Variants in SEC14L5 observed in about 807,000 individuals in gnomAD.
SEC14L5 encodes SEC14-like protein 5.
A neutral mutation model predicts 84.6 loss-of-function variants in SEC14L5; 96 were observed. That is an observed-to-expected ratio of 1.13 (90% CI 0.96 to 1.34). The LOEUF is 1.34. SEC14L5 is among the 40% of genes most tolerant of loss of function. The pLI is 0.00. For synonymous variants in SEC14L5, 546 were observed against 383.4 expected, an observed-to-expected ratio of 1.42 and a Z score of -4.95; for missense variants, 1,224 against 942.5, an observed-to-expected ratio of 1.30 and a Z score of -3.91.
chr16:4,978,438 A>C (rs1397098375), intron 2 of SEC14L5, among the ~76,000 whole-genome samples: 7 of 128,510 alleles, frequency 5.4e-5, no homozygotes, highest in Non-Finnish European at 1.1e-4. Flanking sequence ...GAAAAAAAAG[A>C]AACAAGATCT....
rs768717510 is a variant in SEC14L5, at chr16:4,959,375, C to G, written c.52C>G (p.Leu18Val). 2 of 1,613,648 alleles carry G rather than the reference C, an allele frequency of 1.2e-6. No homozygotes were observed. Among genetic ancestry groups the G allele is most frequent in the African/African-American group, 2.7e-5 (2 of 74,920 alleles). Reference protein sequence around the residue: ...PVRVYKYPFELVMAAYEKRFP... With the variant: ...PVRVYKYPFEVVMAAYEKRFP... ...CCGAGTCTACAAGTACCCGTTTGAGCTGGTCATGGCGGTGAGTGACTCCTG... is the reference window on the plus strand; with the variant it reads ...CCGAGTCTACAAGTACCCGTTTGAGGTGGTCATGGCGGTGAGTGACTCCTG... Residue 18 changes from leucine (L) to valine (V), a missense_variant, in exon 2 of 16, where the codon CTG (leucine) becomes GTG (valine). Leu to Val is a conservative substitution (Grantham distance 32). Coordinates refer to ENST00000251170, the MANE Select transcript of SEC14L5 (RefSeq NM_014692.2).
intron 2 of SEC14L5, among the ~76,000 whole-genome samples, chr16:4,963,163 G>A (rs1476452050): frequency 1.3e-5 from 2 of 152,194 alleles, no homozygotes; most frequent in Non-Finnish European, 2.9e-5. Context: ...TTGGGCTTGA[G>A]TAATTGATTA....
chr16:4,978,812 A>T (rs927123179), intron 2 of SEC14L5, among the ~76,000 whole-genome samples: 3 of 152,142 alleles, frequency 2.0e-5, no homozygotes, highest in African/African-American at 7.2e-5. Flanking sequence ...CGCGTTAGCC[A>T]GGATGGTCTC....
chr16:4,991,840 GA>G lies in SEC14L5; in HGVS notation c.479del (p.Lys160ArgfsTer3). 2 of 1,600,686 alleles carry G rather than the reference GA, an allele frequency of 1.2e-6. No homozygotes were observed. The highest frequency in any genetic ancestry group is 1.7e-5 in the Admixed American group (1 of 58,740). On this transcript the variant is annotated frameshift_variant, in exon 6 of 16. Transcript: ENST00000251170. LOFTEE classifies it high-confidence loss of function. ...TCTTGGGTCTCTCTGGCTTCCAGGG[GA>G]AGGAGGTGATTGAGCATTACCTGAA... ...KQYTANVKRG[K>X]EVIEHYLNEL...
chr16:4,992,990 C>T (rs547946010), intron 6 of SEC14L5, among the ~76,000 whole-genome samples: 12 of 152,054 alleles, frequency 7.9e-5, no homozygotes, highest in Admixed American at 7.2e-4. Flanking sequence ...CCTATGTCTT[C>T]TTTTCATACT....
chr16:4,997,882 G>T (rs1202027063), intron 8 of SEC14L5, among the ~76,000 whole-genome samples: 1 of 151,810 alleles, frequency 6.6e-6, no homozygotes, highest in Non-Finnish European at 1.5e-5. Context: ...GTGTTTCTGT[G>T]TCCTCGCCTC....
At chr16:5,004,535 C>T (rs1955710640) in intron 11 of SEC14L5, among the ~76,000 whole-genome samples, 1 of 151,964 alleles carries the variant, frequency 6.6e-6, no homozygotes, top group Middle Eastern at 3.4e-3. Context: ...TGGCCACCCC[C>T]AAGAGGAGGG....
At position 4,997,024 on chromosome 16, in the gene SEC14L5, G is replaced by A. The variant is rs764450682; in HGVS notation, c.950G>A (p.Gly317Asp). 3.7e-6 allele frequency: 6 copies of A among 1,611,380 alleles called. No individual in the cohort carries two copies. The highest frequency in any genetic ancestry group is 4.5e-5 in the East Asian group (2 of 44,830). The change falls in exon 8 of 16, where the codon GGC becomes GAC. Residue 317 changes from glycine to aspartate, a missense_variant. Physicochemically the swap from Gly to Asp is moderately conservative, Grantham distance 94. Coordinates refer to ENST00000251170, the MANE Select transcript of SEC14L5 (RefSeq NM_014692.2). ...CTGCTGGAGGAGTTCTATGCAGGGG[G>A]CTGGCATTACCAGGACATAGGTGCG... ...PALLEEFYAG[G>D]WHYQDIDGRP...
chr16:5,012,127 G>T (rs984044956), intron 15 of SEC14L5, among the ~76,000 whole-genome samples: 7 of 152,178 alleles, frequency 4.6e-5, no homozygotes, highest in Admixed American at 4.6e-4. Flanking sequence ...GAACACTGGG[G>T]CAGAGTCTTT....
chr16:5,018,538 G>A lies in SEC14L5; in HGVS notation c.*3568G>A, dbSNP rs548335453. The A allele has an allele frequency of 1.3e-5, 2 of 152,132 alleles. No homozygotes were observed. The highest frequency in any genetic ancestry group is 2.4e-5 in the African/African-American group (1 of 41,386). 9.4% of individuals were successfully genotyped at this position (152,132 alleles called of 1,614,324 possible). ...AAAAATGAGCCAGGCGTGGTGGTGCGTGCCTATAGTCTCAGCTGCTCGGGA... is the reference window on the plus strand; with the variant it reads ...AAAAATGAGCCAGGCGTGGTGGTGCATGCCTATAGTCTCAGCTGCTCGGGA... On this transcript the variant is annotated 3_prime_UTR_variant, in exon 16 of 16. Coordinates refer to ENST00000251170, the MANE Select transcript of SEC14L5 (RefSeq NM_014692.2).
intron 2 of SEC14L5, among the ~76,000 whole-genome samples, chr16:4,977,804 A>T (rs1955364998): frequency 1.3e-5 from 2 of 151,304 alleles, no homozygotes; most frequent in Admixed American, 6.6e-5. Flanking sequence ...TTATTTATTT[A>T]TTTATTATTA....
chr16:5,000,881 G>A lies in SEC14L5; in HGVS notation c.1086G>A (p.Gln362=), dbSNP rs1238001430. 1.2e-6 allele frequency: 2 copies of A among 1,608,908 alleles called. No homozygotes were observed. Among genetic ancestry groups the A allele is most frequent in the Non-Finnish European group, 1.7e-6 (2 of 1,177,792 alleles). ...TTCTCTCCGTCAACGAGGAAGGACA[G>A]AAGCGGTGTGAGGGGAGCACAAGGC... is the stretch of plus-strand genomic sequence containing the variant. ...RHVLSVNEEG[Q]KRCEGSTRQL... is the part of the protein sequence containing the mutation. Residue 362 remains glutamine, a synonymous_variant, in exon 10 of 16, where the codon CAG becomes CAA. Coordinates refer to ENST00000251170, the MANE Select transcript of SEC14L5 (RefSeq NM_014692.2).
At chr16:4,972,007 C>G (rs959238234) in intron 2 of SEC14L5, among the ~76,000 whole-genome samples, 3 of 151,800 alleles carry the variant, frequency 2.0e-5, no homozygotes, top group Non-Finnish European at 4.4e-5. Flanking sequence ...GGCTGTAGAC[C>G]ATCTAGGAGG....
At position 5,014,986 on chromosome 16, in the gene SEC14L5, C is replaced by T. The variant is rs554955573; in HGVS notation, c.*16C>T. 3.8e-6 allele frequency: 6 copies of T among 1,580,650 alleles called. No homozygotes were observed. Among genetic ancestry groups the T allele is most frequent in the Middle Eastern group, 1.7e-4 (1 of 6,028 alleles). On this transcript the variant is annotated 3_prime_UTR_variant, in exon 16 of 16. Transcript: ENST00000251170. ...CTCCAGATAGCCGGGCCCAGTGTTT[C>T]AGGGCCGCCCGCTCGCCTCCAGTGT...
At chr16:4,966,701 C>A (rs940875161) in intron 2 of SEC14L5, among the ~76,000 whole-genome samples, 4 of 152,164 alleles carry the variant, frequency 2.6e-5, no homozygotes, top group Non-Finnish European at 5.9e-5. Context: ...CCAAAGCAAA[C>A]ATGTAGCAGG....
chr16:5,003,618 G>GCCCCCCC, intron 11 of SEC14L5, 45 bp downstream of exon 11: 1 of 414,172 alleles, frequency 2.4e-6, no homozygotes. Context: ...GGGGTGGGTG[G>GCCCCCCC]GATGGGAGGG....
chr16:5,010,847 C>T lies in SEC14L5; in HGVS notation c.1801-248C>T, dbSNP rs76503396. On this transcript the variant is annotated intron_variant, in intron 14 of 15. Transcript: ENST00000251170. ...GCACCTCTGTTGTCCTGAAGTTGCACCCCCACCCCCAGGCGTCAGCTCCTC... is the reference window on the plus strand; with the variant it reads ...GCACCTCTGTTGTCCTGAAGTTGCATCCCCACCCCCAGGCGTCAGCTCCTC... 4,345 of 488,070 alleles carry T rather than the reference C, an allele frequency of 8.9e-3. 146 individuals are homozygous for T. The highest frequency in any genetic ancestry group is 0.071 in the African/African-American group (3,708 of 52,520). 30.2% of individuals were successfully genotyped at this position (488,070 alleles called of 1,614,324 possible).
chr16:4,980,425 G>A (rs1955407672), intron 2 of SEC14L5, among the ~76,000 whole-genome samples: 1 of 152,142 alleles, frequency 6.6e-6, no homozygotes, highest in South Asian at 2.1e-4. Context: ...CTCCAGACCG[G>A]GCCTTTCTAA....
chr16:5,007,590 C>CT (rs1322433380), intron 13 of SEC14L5, 104 bp downstream of exon 13: 3 of 786,814 alleles, frequency 3.8e-6, no homozygotes, highest in Middle Eastern at 7.9e-4. Flanking sequence ...TTTTTCTTTT[C>CT]TTTCTTTCTT....
Sources: gnomAD v4.1 joint callset for allele counts (sites outside exome capture counted in the v4.1 genomes callset) on GRCh38, gnomAD v4.1.1 for gene constraint, MANE v1.5 for transcripts, NCBI Gene and HGNC (gene_info 2026-07-23, HGNC 2026-07-21) for gene names.